The following PIK3R4 variants were observed in gnomAD, a reference collection of about 807,000 sequenced individuals.
The protein encoded by PIK3R4 is phosphoinositide 3-kinase regulatory subunit 4.
In PIK3R4, 46 loss-of-function variants were observed where a neutral mutation model predicts 136.5. The ratio of observed to expected loss-of-function variants is 0.34; its 90% CI spans 0.27 to 0.43. The LOEUF (loss-of-function observed/expected upper bound fraction) is 0.43, where lower values mean the gene tolerates loss of function less well. Among genes scored for constraint, PIK3R4 ranks in the 20% least tolerant of loss-of-function variants. The pLI is 1.00. For missense variants in PIK3R4, 1,331 were observed against 1,649.5 expected (o/e 0.81, Z 3.35); for synonymous variants, 557 against 566.7 (o/e 0.98, Z 0.24).
intron 8 of PIK3R4, 98 bp downstream of exon 8, chr3:130,718,291 T>A: frequency 9.7e-7 from 1 of 1,027,374 alleles, no homozygotes; most frequent in South Asian, 1.5e-5. Context: ...CCAATTTAAA[T>A]ACTTAAAAAA....
At chr3:130,717,478 T>A (rs2066672164) in intron 8 of PIK3R4, among the ~76,000 whole-genome samples, 1 of 152,130 alleles carries the variant, frequency 6.6e-6, no homozygotes, top group Admixed American at 6.5e-5. Context: ...AAAAAGGCAT[T>A]TTTTTCTGAT....
Position 130,744,710 on chromosome 3 carries a change from A to C in PIK3R4, c.509T>G (p.Phe170Cys). Residue 170 changes from phenylalanine to cysteine, a missense_variant, in exon 2 of 20, where the codon TTT (phenylalanine) becomes TGT (cysteine). Physicochemically the swap from Phe to Cys is radical, Grantham distance 205 (BLOSUM62 -2). This residue lies in a region of PIK3R4 where 151 missense variants were observed against 242.5 expected (regional missense o/e 0.62). Coordinates refer to ENST00000356763, the MANE Select transcript of PIK3R4 (RefSeq NM_014602.3). The part of the protein sequence containing the change: ...NWVLLTDFAS[F>C]KPTYLPEDNP... Reference sequence around the variant, plus strand: ...GTCTTCTGGAAGATAAGTGGGCTTAAAACTGGCAAAATCAGTTAGAAGAAC... The same window carrying C: ...GTCTTCTGGAAGATAAGTGGGCTTACAACTGGCAAAATCAGTTAGAAGAAC... The C allele has an allele frequency of 6.2e-7, 1 of 1,614,232 alleles. No homozygotes were observed. Among genetic ancestry groups the C allele is most frequent in the Non-Finnish European group, 8.5e-7 (1 of 1,180,040 alleles).
chr3:130,709,320 C>CCT (rs1416021229), intron 9 of PIK3R4, among the ~76,000 whole-genome samples: 2 of 152,062 alleles, frequency 1.3e-5, no homozygotes, highest in Non-Finnish European at 1.5e-5. Context: ...TCCACAGAAT[C>CCT]CTCTAGTACA....
intron 2 of PIK3R4, among the ~76,000 whole-genome samples, chr3:130,740,728 T>A (rs1309309636): frequency 6.6e-6 from 1 of 151,956 alleles, no homozygotes; most frequent in East Asian, 1.9e-4. Flanking sequence ...AGACTCTGTC[T>A]CAAAAAATAA....
intron 11 of PIK3R4, among the ~76,000 whole-genome samples, chr3:130,706,511 T>C (rs78993841): frequency 0.21 from 31,332 of 152,138 alleles, 3,485 homozygotes; most frequent in South Asian, 0.36. Context: ...GTCTAACCAT[T>C]GTTAAGTCAG....
chr3:130,703,464 T>A (rs113361202), intron 13 of PIK3R4, among the ~76,000 whole-genome samples: 1 of 152,224 alleles, frequency 6.6e-6, no homozygotes, highest in African/African-American at 2.4e-5. Context: ...ACCCCACCTC[T>A]ACTGCATTTC....
chr3:130,706,033 T>C (rs1177831617), intron 11 of PIK3R4, among the ~76,000 whole-genome samples: 2 of 152,154 alleles, frequency 1.3e-5, no homozygotes, highest in Non-Finnish European at 2.9e-5. Flanking sequence ...GAAAATAACA[T>C]TAAACAAAAA....
chr3:130,736,045 A>G, intron 2 of PIK3R4, 43 bp from the exon 3 acceptor site: 1 of 1,471,522 alleles, frequency 6.8e-7, no homozygotes, highest in Non-Finnish European at 9.3e-7. Flanking sequence ...AGAGATAAAA[A>G]ATATCATGCA....
At chr3:130,699,925 G>A (rs913618263) in intron 13 of PIK3R4, among the ~76,000 whole-genome samples, 8 of 151,960 alleles carry the variant, frequency 5.3e-5, no homozygotes, top group Non-Finnish European at 1.0e-4. Context: ...TACATATATT[G>A]TAAAAAAACC....
intron 6 of PIK3R4, among the ~76,000 whole-genome samples, chr3:130,727,939 A>G (rs2066742234): frequency 6.6e-6 from 1 of 151,976 alleles, no homozygotes; most frequent in Non-Finnish European, 1.5e-5. Context: ...ATGAAAGAAC[A>G]GCAAAAAAAA....
chr3:130,714,312 A>AT (rs2066649418), intron 9 of PIK3R4, among the ~76,000 whole-genome samples: 1 of 152,132 alleles, frequency 6.6e-6, no homozygotes, highest in South Asian at 2.1e-4. Flanking sequence ...TGTATTCTTT[A>AT]TTTTTAACCA....
intron 13 of PIK3R4, among the ~76,000 whole-genome samples, chr3:130,697,041 T>C (rs1459765085): frequency 5.3e-5 from 8 of 150,686 alleles, no homozygotes; most frequent in Admixed American, 5.3e-4. Flanking sequence ...GTTTATGTTC[T>C]ATCTGACATT....
intron 13 of PIK3R4, among the ~76,000 whole-genome samples, chr3:130,693,892 A>T (rs1479031357): frequency 6.6e-6 from 1 of 152,068 alleles, no homozygotes; most frequent in Non-Finnish European, 1.5e-5. Context: ...GTTTTCTTCT[A>T]AGTTTTATGG....
intron 7 of PIK3R4, among the ~76,000 whole-genome samples, 164 bp from the exon 8 acceptor site, chr3:130,718,698 G>A (rs1397541074): frequency 6.6e-6 from 1 of 152,126 alleles, no homozygotes; most frequent in Non-Finnish European, 1.5e-5. Flanking sequence ...CAATCAAGTG[G>A]ACACACTGTT....
intron 13 of PIK3R4, among the ~76,000 whole-genome samples, chr3:130,698,312 C>T (rs2066557858): frequency 6.6e-6 from 1 of 152,150 alleles, no homozygotes; most frequent in South Asian, 2.1e-4. Flanking sequence ...CTCTCCTCTC[C>T]TACTGGAACT....
intron 6 of PIK3R4, chr3:130,723,989 T>C (rs1000984701): frequency 5.9e-5 from 9 of 153,788 alleles, no homozygotes; most frequent in Non-Finnish European, 1.2e-4. Context: ...TTTCAAGACA[T>C]GTAAGGACTA....
At chr3:130,741,274 C>G (rs2066822070) in intron 2 of PIK3R4, among the ~76,000 whole-genome samples, 1 of 152,136 alleles carries the variant, frequency 6.6e-6, no homozygotes, top group African/African-American at 2.4e-5. Flanking sequence ...CAGAGAAAAA[C>G]CCATGAGGAC....
At chr3:130,724,948 T>C (rs926895196) in intron 6 of PIK3R4, among the ~76,000 whole-genome samples, 2 of 151,992 alleles carry the variant, frequency 1.3e-5, no homozygotes, top group African/African-American at 2.4e-5. Flanking sequence ...AGCTGAGTAG[T>C]TGCCTCTGGA....
At chr3:130,722,547 T>C (rs947930252) in intron 7 of PIK3R4, among the ~76,000 whole-genome samples, 2 of 152,174 alleles carry the variant, frequency 1.3e-5, no homozygotes, top group Non-Finnish European at 2.9e-5. Flanking sequence ...TTTCCAAAAA[T>C]TATTTTGAAA....
Sources: allele counts gnomAD v4.1 joint callset (sites outside exome capture counted in the v4.1 genomes callset), GRCh38; gene constraint gnomAD v4.1.1; regional missense constraint gnomAD v4.1.1; transcripts MANE v1.5; gene names NCBI Gene and HGNC (gene_info 2026-07-23, HGNC 2026-07-21).